Variants in JPT2 observed in about 807,000 individuals in gnomAD.
JPT2 encodes the protein Jupiter microtubule associated homolog 2.
In JPT2, 9 loss-of-function variants were observed where a neutral mutation model predicts 15.9. The ratio of observed to expected loss-of-function variants is 0.57; its 90% CI spans 0.34 to 0.99. JPT2 has a LOEUF of 0.99. Among genes scored for constraint, JPT2 ranks in the 50% least tolerant of loss-of-function variants. The pLI, the probability that JPT2 is intolerant of heterozygous loss-of-function variation, is 0.02. For synonymous variants in JPT2, 95 were observed against 91.7 expected (o/e 1.04, Z -0.21); for missense variants, 267 against 252.1 (o/e 1.06, Z -0.40).
At chr16:1,683,589 A>T in intron 1 of JPT2, 1 of 1,535,202 alleles carries the variant, frequency 6.5e-7, no homozygotes, top group Non-Finnish European at 8.7e-7. Context: ...GCACCACTTC[A>T]GAGGTCGGCC....
intron 1 of JPT2, among the ~76,000 whole-genome samples, chr16:1,679,522 C>T (rs1018857688): frequency 1.3e-5 from 2 of 151,238 alleles, no homozygotes; most frequent in Non-Finnish European, 2.9e-5. Context: ...ATGGTGAAAC[C>T]CCCGTCTCTA....
intron 2 of JPT2, 142 bp downstream of exon 2, chr16:1,685,729 G>A (rs1266593760): frequency 1.0e-5 from 9 of 862,394 alleles, no homozygotes; most frequent in African/African-American, 3.9e-5. Context: ...AAATGAAAAC[G>A]TTCTGATTTG....
chr16:1,698,144 G>A lies in JPT2; in HGVS notation c.385+284G>A, dbSNP rs187592795. 1.3e-5 allele frequency among the ~76,000 whole-genome samples: 2 copies of A among 152,298 alleles called. No individual in the cohort carries two copies. Among genetic ancestry groups the A allele is most frequent in the Admixed American group, 1.3e-4 (2 of 15,296 alleles). On this transcript the variant is annotated intron_variant, in intron 4 of 4. Coordinates refer to ENST00000248098, the MANE Select transcript of JPT2 (RefSeq NM_144570.3). This position sits in a 1 kb window ranked among gnomAD's most constrained non-coding sequence, Gnocchi z 4.9. ...GATGGGCAGGGATCCCAAACCTTCA[G>A]TGAACTCATGACCAAGCATAGAGCT...
In JPT2 at chr16:1,701,452, T is replaced by C. The variant is rs899895406; in HGVS notation, c.*2454T>C. ...AGCTTTTGCCTGTCAGTTGTGTGTG[T>C]CCCTTATAGTCCCTTCCCCCACAGC... On this transcript the variant is annotated 3_prime_UTR_variant, in exon 5 of 5. Coordinates refer to ENST00000248098, the MANE Select transcript of JPT2 (RefSeq NM_144570.3). 9 of 152,272 alleles carry C rather than the reference T, an allele frequency of 5.9e-5. No homozygotes were observed. Among genetic ancestry groups the C allele is most frequent in the African/African-American group, 2.2e-4 (9 of 41,464 alleles). 9.4% of individuals were successfully genotyped at this position (152,272 alleles called of 1,614,324 possible). A position where few individuals can be genotyped will look rare whatever the true frequency, so the allele number is the denominator to read the frequency against.
Position 1,698,810 on chromosome 16 carries a change from G to C in JPT2, c.386-1G>C. 6.2e-7 allele frequency: 1 copy of C among 1,609,872 alleles called. No homozygotes were observed. The highest frequency in any genetic ancestry group is 8.5e-7 in the Non-Finnish European group (1 of 1,178,376). On this transcript the variant is annotated splice_acceptor_variant, in intron 4 of 4. Coordinates refer to ENST00000248098, the MANE Select transcript of JPT2 (RefSeq NM_144570.3). LOFTEE classifies it high-confidence loss of function. This position sits in a 1 kb window ranked among gnomAD's most constrained non-coding sequence, Gnocchi z 4.9. ...TGTTGTTCTAACTTTGTGTCCCACA[G>C]CTGCAAGGAGCATCCCGGCTGGAGC...
At chr16:1,684,898 G>A (rs2037053140) in intron 1 of JPT2, among the ~76,000 whole-genome samples, 1 of 147,598 alleles carries the variant, frequency 6.8e-6, no homozygotes, top group African/African-American at 2.5e-5. Flanking sequence ...GCGACAGAGC[G>A]AGACTCCATC....
downstream of JPT2, among the ~76,000 whole-genome samples, chr16:1,702,467 G>A (rs2037185947): frequency 6.6e-6 from 1 of 152,224 alleles, no homozygotes; most frequent in East Asian, 1.9e-4. Flanking sequence ...AAGGACGCGG[G>A]TGCCACCTGG....
chr16:1,681,985 A>C (rs1015546082), intron 1 of JPT2, among the ~76,000 whole-genome samples: 3 of 152,248 alleles, frequency 2.0e-5, no homozygotes, highest in African/African-American at 4.8e-5. Flanking sequence ...TGATAAATTC[A>C]GTTCAGTTCG....
intron 3 of JPT2, among the ~76,000 whole-genome samples, chr16:1,696,308 G>T (rs1443982968): frequency 1.3e-5 from 2 of 152,080 alleles, no homozygotes; most frequent in African/African-American, 4.8e-5. Flanking sequence ...GGCTGAGGCA[G>T]GCGGATCACG....
chr16:1,679,328 T>C (rs1250285802), intron 1 of JPT2, among the ~76,000 whole-genome samples: 6 of 152,226 alleles, frequency 3.9e-5, no homozygotes, highest in African/African-American at 1.2e-4. Context: ...CTTTTGGCTA[T>C]GATCAAGTGA....
In JPT2 at chr16:1,701,938, A is replaced by G; in HGVS notation, c.*2940A>G. On this transcript the variant is annotated 3_prime_UTR_variant, in exon 5 of 5. Coordinates refer to ENST00000248098, the MANE Select transcript of JPT2 (RefSeq NM_144570.3). The stretch of plus-strand genomic sequence containing the variant: ...ATGCCTGTAGTCCCAGCTACTCGGG[A>G]GGCTGAGTGAGGCAGGAGGATCACT... The G allele has an allele frequency of 3.0e-6, 1 of 328,300 alleles. No homozygotes were observed. Among genetic ancestry groups the G allele is most frequent in the Non-Finnish European group, 6.2e-6 (1 of 162,426 alleles). 20.3% of individuals were successfully genotyped at this position (328,300 alleles called of 1,614,324 possible).
In JPT2 at chr16:1,678,326, C is replaced by G. The variant is rs777033509; in HGVS notation, c.14C>G (p.Pro5Arg). 5.0e-5 allele frequency: 62 copies of G among 1,236,584 alleles called. No individual in the cohort carries two copies. In the African/African-American group the frequency reaches 5.9e-4, roughly 12 times the overall value. 76.6% of individuals were successfully genotyped at this position (1,236,584 alleles called of 1,614,324 possible). Residue 5 changes from proline (P) to arginine (R), a missense_variant, in exon 1 of 5, where the codon CCG (proline) becomes CGG (arginine). Pro to Arg is a moderately radical substitution (Grantham distance 103). Coordinates refer to ENST00000248098, the MANE Select transcript of JPT2 (RefSeq NM_144570.3). MFQV[P>R]DSEGGRAGSR... ...GCGGCGGTCGACATGTTCCAGGTCC[C>G]GGATAGCGAGGGCGGCCGCGCCGGC... is the stretch of plus-strand genomic sequence containing the variant.
At chr16:1,680,485 A>G (rs1027624874) in intron 1 of JPT2, 4 of 1,253,356 alleles carry the variant, frequency 3.2e-6, no homozygotes, top group South Asian at 2.6e-5. Context: ...AGCCGGTCTG[A>G]ACTGGATGAT....
rs1245498708 is a variant in JPT2 at position 1,699,106 on chromosome 16, T to TA, written c.*109dup. 2 of 1,169,448 alleles carry TA rather than the reference T, an allele frequency of 1.7e-6. No individual in the cohort carries two copies. The highest frequency in any genetic ancestry group is 3.6e-5 in the Admixed American group (2 of 56,122). The allele number at this position is 1,169,448 out of a possible 1,614,324, so 72.4% of individuals were successfully genotyped here. The stretch of plus-strand genomic sequence containing the variant: ...AGCGGGGTGGGAAGAGGGTTAGTCT[T>TA]ATGTGAGCCTGGCTGCTCAGCGTCT... On this transcript the variant is annotated 3_prime_UTR_variant, in exon 5 of 5. Transcript: ENST00000248098.
intron 3 of JPT2, among the ~76,000 whole-genome samples, chr16:1,697,385 C>T (rs150179437): frequency 2.6e-5 from 4 of 152,194 alleles, no homozygotes; most frequent in African/African-American, 9.6e-5. Flanking sequence ...TGGTGGCTCA[C>T]GCCTGTAGTC....
In JPT2 at chr16:1,698,763, T is replaced by TTG; in HGVS notation, c.386-48_386-47insTG. On this transcript the variant is annotated intron_variant, in intron 4 of 4. Coordinates refer to ENST00000248098, the MANE Select transcript of JPT2 (RefSeq NM_144570.3). The surrounding 1 kb of genome is among the most constrained non-coding windows in gnomAD (Gnocchi z 4.9). ...TATTTCCACAGCCTGCCTGTCAGGG[T>TTG]CATGGGTTGCCTCTAATGGGATGTT... 6.4e-7 allele frequency: 1 copy of TTG among 1,556,744 alleles called. No homozygotes were observed. The highest frequency in any genetic ancestry group is 2.3e-5 in the East Asian group (1 of 44,250).
At chr16:1,679,364 C>T (rs1327971583) in intron 1 of JPT2, among the ~76,000 whole-genome samples, 1 of 152,176 alleles carries the variant, frequency 6.6e-6, no homozygotes, top group Non-Finnish European at 1.5e-5. Flanking sequence ...TGAATAAATA[C>T]TAAGTAAAAG....
intron 1 of JPT2, among the ~76,000 whole-genome samples, chr16:1,681,922 T>G (rs2037026123): frequency 6.6e-6 from 1 of 152,236 alleles, no homozygotes; most frequent in South Asian, 2.1e-4. Flanking sequence ...AAAGCCATAT[T>G]TGAAATAAGT....
intron 1 of JPT2, chr16:1,683,579 G>A (rs2037041802): frequency 2.0e-6 from 3 of 1,535,352 alleles, no homozygotes; most frequent in African/African-American, 2.7e-5. Context: ...GGGGCCCTGG[G>A]CACCACTTCA....
Sources: allele counts gnomAD v4.1 joint callset (sites outside exome capture counted in the v4.1 genomes callset), GRCh38; gene constraint gnomAD v4.1.1; non-coding constraint Gnocchi (gnomAD v3.1); transcripts MANE v1.5; gene names NCBI Gene and HGNC (gene_info 2026-07-23, HGNC 2026-07-21).